The following CD83 variants were observed in gnomAD, a reference collection of about 807,000 sequenced individuals.
CD83 encodes the protein CD83 antigen.
Under a neutral mutation model 24.6 loss-of-function variants are expected in CD83, and 22 were observed. The ratio of observed to expected loss-of-function variants is 0.90; its 90% CI spans 0.64 to 1.28. The LOEUF (loss-of-function observed/expected upper bound fraction) is 1.28, where lower values mean the gene tolerates loss of function less well. CD83 is among the 50% of genes most tolerant of loss of function. The probability of loss-of-function intolerance (pLI) is 0.00; values close to 1 mark genes in which losing one functional copy is unlikely to be tolerated. For missense variants in CD83, 253 were observed against 252.8 expected, an observed-to-expected ratio of 1.00 and a Z score of -0.01; for synonymous variants, 101 against 103.5, an observed-to-expected ratio of 0.98 and a Z score of 0.14.
chr6:14,135,945 A>G lies in CD83; in HGVS notation c.*709A>G, dbSNP rs778962242. On this transcript the variant is annotated 3_prime_UTR_variant, in exon 5 of 5. Transcript: ENST00000379153. ...TTCTGCTTTTGAAATCTGTATCTGT[A>G]GTGAGATAGCATTGTGAACTGACAG... 3 of 152,222 alleles carry G rather than the reference A, an allele frequency of 2.0e-5. No homozygotes were observed. The highest frequency in any genetic ancestry group is 4.4e-5 in the Non-Finnish European group (3 of 68,054). The allele number at this position is 152,222 out of a possible 1,614,324, so 9.4% of individuals were successfully genotyped here.
chr6:14,130,687 C>T (rs1757872827), intron 2 of CD83, among the ~76,000 whole-genome samples: 2 of 152,246 alleles, frequency 1.3e-5, no homozygotes, highest in African/African-American at 4.8e-5. Context: ...GAGCCATGAT[C>T]AAGCCAGTTC....
At chr6:14,124,782 G>A (rs1336127037) in intron 2 of CD83, among the ~76,000 whole-genome samples, 1 of 152,152 alleles carries the variant, frequency 6.6e-6, no homozygotes, top group Non-Finnish European at 1.5e-5. Flanking sequence ...TTCAGTTATG[G>A]ATGGCGTTGT....
At chr6:14,123,105 T>TG (rs976666896) in intron 2 of CD83, among the ~76,000 whole-genome samples, 11 of 151,948 alleles carry the variant, frequency 7.2e-5, no homozygotes, top group African/African-American at 2.4e-4. Context: ...TTTTTGTTTT[T>TG]TTTTTTTTTG....
At chr6:14,126,898 A>G (rs149944529) in intron 2 of CD83, among the ~76,000 whole-genome samples, 5 of 152,138 alleles carry the variant, frequency 3.3e-5, no homozygotes, top group Non-Finnish European at 7.4e-5. Context: ...ACCCTTAAAT[A>G]TGTTTTATCA....
intron 2 of CD83, among the ~76,000 whole-genome samples, chr6:14,119,473 G>A (rs888760885): frequency 1.3e-5 from 2 of 152,136 alleles, no homozygotes; most frequent in African/African-American, 2.4e-5. Flanking sequence ...TCCATCCATC[G>A]GAAGAATGGA....
At chr6:14,125,804 A>ACCACTT (rs1205673479) in intron 2 of CD83, among the ~76,000 whole-genome samples, 9 of 152,236 alleles carry the variant, frequency 5.9e-5, no homozygotes, top group African/African-American at 2.2e-4. Context: ...TTTAAAAAAT[A>ACCACTT]CAGAATGTTG....
intron 2 of CD83, among the ~76,000 whole-genome samples, chr6:14,126,358 ACAT>A (rs1286484728): frequency 6.6e-6 from 1 of 152,222 alleles, no homozygotes; most frequent in Non-Finnish European, 1.5e-5. Flanking sequence ...GGGTCTGTAT[ACAT>A]CATCATAAGT....
At chr6:14,126,815 T>C (rs1427160886) in intron 2 of CD83, among the ~76,000 whole-genome samples, 1 of 152,140 alleles carries the variant, frequency 6.6e-6, no homozygotes, top group East Asian at 1.9e-4. Context: ...AGAAATGCGA[T>C]AAAAAAAGCT....
At chr6:14,128,481 A>C (rs1759874596) in intron 2 of CD83, among the ~76,000 whole-genome samples, 1 of 152,158 alleles carries the variant, frequency 6.6e-6, no homozygotes, top group South Asian at 2.1e-4. Flanking sequence ...GAGGGTTATG[A>C]AATATTTCCA....
In CD83 at chr6:14,135,488, C is replaced by G; in HGVS notation, c.*252C>G. The G allele has an allele frequency of 2.3e-6, 1 of 430,976 alleles. No individual in the cohort carries two copies. The highest frequency in any genetic ancestry group is 4.2e-6 in the Non-Finnish European group (1 of 239,512). The allele number at this position is 430,976 out of a possible 1,614,324, so 26.7% of individuals were successfully genotyped here. A position where few individuals can be genotyped will look rare whatever the true frequency, so the allele number is the denominator to read the frequency against. On this transcript the variant is annotated 3_prime_UTR_variant, in exon 5 of 5. Coordinates refer to ENST00000379153, the MANE Select transcript of CD83 (RefSeq NM_004233.4). ...CCTTTTCAGCGATGTATGCAGCTAT[C>G]TGGTCAACCTCCTGGACATTTTTTC...
rs1325183294 is a variant in CD83 at position 14,136,229 on chromosome 6, G to A, written c.*993G>A. On this transcript the variant is annotated 3_prime_UTR_variant, in exon 5 of 5. Transcript: ENST00000379153. Reference sequence around the variant, plus strand: ...AACATATAAAGCACTATACAGATTCGAAACTCCATTGAGTCATTATCCTTG... The same window carrying A: ...AACATATAAAGCACTATACAGATTCAAAACTCCATTGAGTCATTATCCTTG... 3 of 152,208 alleles carry A rather than the reference G, an allele frequency of 2.0e-5. No individual in the cohort carries two copies. Among genetic ancestry groups the A allele is most frequent in the African/African-American group, 7.2e-5 (3 of 41,446 alleles). The allele number at this position is 152,208 out of a possible 1,614,324, so 9.4% of individuals were successfully genotyped here. A position where few individuals can be genotyped will look rare whatever the true frequency, so the allele number is the denominator to read the frequency against.
At chr6:14,118,271 T>C (rs900492765) in intron 2 of CD83, among the ~76,000 whole-genome samples, 2 of 152,220 alleles carry the variant, frequency 1.3e-5, no homozygotes, top group African/African-American at 2.4e-5. Context: ...GGTTTTGCTC[T>C]CCGCAGACCT....
At chr6:14,131,299 T>C (rs1465875467) in intron 2 of CD83, among the ~76,000 whole-genome samples, 2 of 152,226 alleles carry the variant, frequency 1.3e-5, no homozygotes, top group Admixed American at 1.3e-4. Context: ...GGGATACTTA[T>C]GATAGAATCA....
rs1443048604 is a variant in CD83, at chr6:14,129,119, A to G, written c.154-2401A>G. Among the ~76,000 whole-genome samples, 3 of 152,202 alleles carry G rather than the reference A, an allele frequency of 2.0e-5. No individual in the cohort carries two copies. The highest frequency in any genetic ancestry group is 4.8e-5 in the African/African-American group (2 of 41,448). ...GAGAGGAGCTTCCCAGGAGAAAACC[A>G]TGGGTGAATAATCTCAAAACGGTTG... On this transcript the variant is annotated intron_variant, in intron 2 of 4. Transcript: ENST00000379153. The surrounding 1 kb of genome is among the most constrained non-coding windows in gnomAD (Gnocchi z 4.3).
intron 3 of CD83, among the ~76,000 whole-genome samples, chr6:14,133,349 G>T (rs1168986559): frequency 6.6e-6 from 1 of 152,248 alleles, no homozygotes; most frequent in South Asian, 2.1e-4. Context: ...AGCCGCCTTG[G>T]TCCTTGGTCC....
chr6:14,121,969 C>A (rs1268389823), intron 2 of CD83, among the ~76,000 whole-genome samples: 3 of 152,102 alleles, frequency 2.0e-5, no homozygotes, highest in African/African-American at 7.2e-5. Context: ...CTTCTTGTAT[C>A]ATGCTAGGAG....
chr6:14,120,681 T>C (rs1015692034), intron 2 of CD83, among the ~76,000 whole-genome samples: 5 of 152,256 alleles, frequency 3.3e-5, no homozygotes, highest in Admixed American at 2.0e-4. Flanking sequence ...AGTATGGTTA[T>C]AATGACTCAC....
rs1228653480 is a variant in CD83 at position 14,135,113 on chromosome 6, T to C, written c.495T>C (p.Phe165=). 6 of 1,613,908 alleles carry C rather than the reference T, an allele frequency of 3.7e-6. No homozygotes were observed. Among genetic ancestry groups the C allele is most frequent in the Non-Finnish European group, 5.1e-6 (6 of 1,179,972 alleles). Residue 165 remains phenylalanine, a synonymous_variant, in exon 5 of 5, where the codon TTT becomes TTC. Transcript: ENST00000379153. The stretch of plus-strand genomic sequence containing the variant: ...TTTCTTTCATTTCTTTTTAGAAGTT[T>C]GCACGGCTACAGAGTATCTTCCCAG... ...YLTLIIFTCK[F]ARLQSIFPDF...
At chr6:14,126,638 C>T (rs763857254) in intron 2 of CD83, among the ~76,000 whole-genome samples, 47 of 152,260 alleles carry the variant, frequency 3.1e-4, no homozygotes, top group African/African-American at 1.1e-3. Context: ...AATAAAACTA[C>T]GCATAGAAAA....
Sources: gnomAD v4.1 joint callset for allele counts (sites outside exome capture counted in the v4.1 genomes callset) on GRCh38, gnomAD v4.1.1 for gene constraint, Gnocchi (gnomAD v3.1) non-coding constraint, MANE v1.5 for transcripts, NCBI Gene and HGNC (gene_info 2026-07-23, HGNC 2026-07-21) for gene names.